The following CSNK1G2 variants were observed in gnomAD, a reference collection of about 807,000 sequenced individuals.
CSNK1G2 encodes casein kinase I isoform gamma-2.
In CSNK1G2, 11 loss-of-function variants were observed where a neutral mutation model predicts 48.0. The observed-to-expected ratio is 0.23, with a 90% CI of 0.14 to 0.38. The LOEUF is 0.38. Ranked by LOEUF, CSNK1G2 falls within the 10% of genes least tolerant of loss-of-function variation. The probability of loss-of-function intolerance (pLI) is 1.00; values close to 1 mark genes in which losing one functional copy is unlikely to be tolerated. For missense variants in CSNK1G2, 446 were observed against 595.5 expected, an observed-to-expected ratio of 0.75 and a Z score of 2.61; for synonymous variants, 337 against 254.1, an observed-to-expected ratio of 1.33 and a Z score of -3.10.
chr19:1,960,702 A>G (rs1444961874), intron 1 of CSNK1G2, among the ~76,000 whole-genome samples: 2 of 152,150 alleles, frequency 1.3e-5, no homozygotes, highest in African/African-American at 4.8e-5. Context: ...AGCCTGGCCA[A>G]CGTGGCAAAA....
chr19:1,953,699 C>G (rs2014869768), intron 1 of CSNK1G2: 13 of 384,410 alleles, frequency 3.4e-5, no homozygotes, highest in South Asian at 1.7e-4. Context: ...GGACGGGGTC[C>G]CTGCACAGCC....
chr19:1,978,987 C>T lies in CSNK1G2; in HGVS notation c.576C>T (p.Ala192=), dbSNP rs762268133. The part of the protein sequence containing the change: ...HAIHIIDFGL[A]KEYIDPETKK... ...TCCACATCATCGACTTCGGGCTGGCCAAGGAGTACATCGACCCCGAGACCA... is the reference window on the plus strand; with the variant it reads ...TCCACATCATCGACTTCGGGCTGGCTAAGGAGTACATCGACCCCGAGACCA... The change falls in exon 6 of 12, where the codon GCC becomes GCT. Residue 192 remains alanine (A), a synonymous_variant. Transcript: ENST00000255641. This position sits in a 1 kb window ranked among gnomAD's most constrained non-coding sequence, Gnocchi z 7.3. 1 of 1,599,268 alleles carries T rather than the reference C, an allele frequency of 6.3e-7. No homozygotes were observed. The highest frequency in any genetic ancestry group is 8.5e-7 in the Non-Finnish European group (1 of 1,179,622).
chr19:1,962,159 G>A (rs921748172), intron 1 of CSNK1G2, among the ~76,000 whole-genome samples: 1 of 151,984 alleles, frequency 6.6e-6, no homozygotes, highest in Non-Finnish European at 1.5e-5. Flanking sequence ...GTGAAACCCC[G>A]TGTCTGCTAA....
In CSNK1G2 at chr19:1,978,862, A is replaced by G. The variant is rs143642401; in HGVS notation, c.451A>G (p.Thr151Ala). The change falls in exon 6 of 12, where the codon ACG (threonine) becomes GCG (alanine). Residue 151 changes from threonine (T) to alanine (A), a missense_variant. Physicochemically the swap from Thr to Ala is moderately conservative, Grantham distance 58 (BLOSUM62 0). Around this residue, in one of 2 missense-constraint regions of CSNK1G2, gnomAD observed 258 missense variants for 415.9 expected, o/e 0.62. Transcript: ENST00000255641. The surrounding 1 kb of genome is among the most constrained non-coding windows in gnomAD (Gnocchi z 7.3). ...ACACCGCCGTGCCCCCCTGCAGATC[A>G]CGCGCATGGAGTATGTGCACACCAA... is the stretch of plus-strand genomic sequence containing the variant. ...TVLMIAIQLI[T>A]RMEYVHTKSL... 551 of 1,600,500 alleles carry G rather than the reference A, an allele frequency of 3.4e-4. 3 individuals are homozygous for G. Among genetic ancestry groups the G allele is most frequent in the Admixed American group, 5.5e-4 (33 of 59,624 alleles).
intron 11 of CSNK1G2, 30 bp from the exon 12 acceptor site, chr19:1,980,119 T>TCCTCCTACCTGAGCCACTGC (rs753626529): frequency 6.2e-7 from 1 of 1,612,244 alleles, no homozygotes; most frequent in Admixed American, 1.7e-5. Flanking sequence ...TGCACCCCGG[T>TCCTCCTACCTGAGCCACTGC]CCTCCTACCT....
At chr19:1,947,526 T>A (rs981705089) in intron 1 of CSNK1G2, among the ~76,000 whole-genome samples, 1 of 152,184 alleles carries the variant, frequency 6.6e-6, no homozygotes, top group Non-Finnish European at 1.5e-5. Flanking sequence ...CTGGGGACAG[T>A]TCCCAGGACG....
intron 1 of CSNK1G2, among the ~76,000 whole-genome samples, chr19:1,967,460 G>T (rs1475308409): frequency 6.6e-6 from 1 of 152,132 alleles, no homozygotes; most frequent in Admixed American, 6.5e-5. Context: ...CCCTAGAATG[G>T]GGCCAGGGGT....
intron 2 of CSNK1G2, chr19:1,975,392 G>C: frequency 1.0e-6 from 1 of 985,476 alleles, no homozygotes; most frequent in African/African-American, 1.7e-5. Flanking sequence ...AGAAGGGGAC[G>C]GCTGCCCGCA....
Position 1,980,398 on chromosome 19 carries a change from C to T in CSNK1G2, c.*195C>T. On this transcript the variant is annotated 3_prime_UTR_variant, in exon 12 of 12. Transcript: ENST00000255641. ...GTGGGGTCACTTCCTTCATGTAAGA[C>T]TTTGGCCGAAATTTCTACACCTGTG... The T allele has an allele frequency of 1.5e-6, 1 of 668,462 alleles. No homozygotes were observed. The highest frequency in any genetic ancestry group is 2.6e-6 in the Non-Finnish European group (1 of 379,000). The allele number at this position is 668,462 out of a possible 1,614,324, so 41.4% of individuals were successfully genotyped here. A position where few individuals can be genotyped will look rare whatever the true frequency, so the allele number is the denominator to read the frequency against.
intron 1 of CSNK1G2, among the ~76,000 whole-genome samples, chr19:1,963,061 T>TCCAGGCTCAATGAGACACC (rs1568193035): frequency 6.6e-6 from 1 of 151,950 alleles, no homozygotes; most frequent in African/African-American, 2.4e-5. Flanking sequence ...AATGAGACAC[T>TCCAGGCTCAATGAGACACC]CCAGGCTCAA....
At chr19:1,946,070 C>A (rs1180161235) in intron 1 of CSNK1G2, among the ~76,000 whole-genome samples, 1 of 152,020 alleles carries the variant, frequency 6.6e-6, no homozygotes, top group African/African-American at 2.4e-5. Context: ...GCGTATGTTC[C>A]CGGGAGAGGT....
At chr19:1,944,626 C>A (rs2014486869) in intron 1 of CSNK1G2, among the ~76,000 whole-genome samples, 1 of 151,520 alleles carries the variant, frequency 6.6e-6, no homozygotes, top group Non-Finnish European at 1.5e-5. Context: ...GCTGTGCCGC[C>A]CTGTGACTGG....
intron 2 of CSNK1G2, chr19:1,974,707 G>A (rs1442998314): frequency 6.6e-6 from 1 of 152,240 alleles, no homozygotes; most frequent in Non-Finnish European, 1.5e-5. Context: ...AGCGTTGCTG[G>A]GGCAAGGCTG....
intron 1 of CSNK1G2, among the ~76,000 whole-genome samples, chr19:1,946,058 A>T (rs370021481): frequency 3.1e-4 from 47 of 152,126 alleles, no homozygotes; most frequent in African/African-American, 1.1e-3. Context: ...AGCGGAGGCC[A>T]CGCGTATGTT....
chr19:1,950,740 G>A (rs1401453839), intron 1 of CSNK1G2, among the ~76,000 whole-genome samples: 3 of 145,314 alleles, frequency 2.1e-5, no homozygotes, highest in African/African-American at 7.9e-5. Context: ...ACCAGCACCC[G>A]TCCCCCTGCC....
At chr19:1,974,467 G>A (rs2015683384) in intron 2 of CSNK1G2, among the ~76,000 whole-genome samples, 1 of 152,192 alleles carries the variant, frequency 6.6e-6, no homozygotes, top group Admixed American at 6.5e-5. Context: ...TGGGGACCAG[G>A]TTCCCAACAC....
intron 2 of CSNK1G2, among the ~76,000 whole-genome samples, chr19:1,977,277 C>A: frequency 6.6e-6 from 1 of 152,206 alleles, no homozygotes; most frequent in Non-Finnish European, 1.5e-5. Context: ...CCGTGGGGAG[C>A]CCTCCAGGGC....
chr19:1,950,710 C>CT (rs1223956120), intron 1 of CSNK1G2, among the ~76,000 whole-genome samples: 1 of 145,378 alleles, frequency 6.9e-6, no homozygotes, highest in Non-Finnish European at 1.5e-5. Flanking sequence ...ACCAAGGCAC[C>CT]TTCTCGTGCC....
intron 2 of CSNK1G2, among the ~76,000 whole-genome samples, chr19:1,970,772 C>T (rs2015540698): frequency 6.6e-6 from 1 of 152,194 alleles, no homozygotes; most frequent in Non-Finnish European, 1.5e-5. Context: ...AACCCAGGTG[C>T]ACCCCCAGTC....
Sources: allele counts gnomAD v4.1 joint callset (sites outside exome capture counted in the v4.1 genomes callset), GRCh38; gene constraint gnomAD v4.1.1; regional missense constraint gnomAD v4.1.1; non-coding constraint Gnocchi (gnomAD v3.1); transcripts MANE v1.5; gene names NCBI Gene and HGNC (gene_info 2026-07-23, HGNC 2026-07-21).